The following ABCB5 variants were observed in gnomAD, a reference collection of about 807,000 sequenced individuals.
ABCB5 encodes the protein ATP-binding cassette sub-family B member 5.
A neutral mutation model predicts 144.2 loss-of-function variants in ABCB5; 155 were observed. That is an observed-to-expected ratio of 1.08 (90% confidence interval 0.94 to 1.23). ABCB5 has a LOEUF of 1.23. ABCB5 is among the 50% of genes most tolerant of loss of function. The probability of loss-of-function intolerance (pLI) is 0.00; values close to 1 mark genes in which losing one functional copy is unlikely to be tolerated. For missense variants in ABCB5, 1,830 were observed against 1,520.8 expected, an observed-to-expected ratio of 1.20 and a Z score of -3.38; for synonymous variants, 610 against 528.6, an observed-to-expected ratio of 1.15 and a Z score of -2.11.
chr7:20,703,615 AT>A (rs35238310), intron 19 of ABCB5, among the ~76,000 whole-genome samples: 1 of 152,000 alleles, frequency 6.6e-6, no homozygotes, highest in African/African-American at 2.4e-5. Context: ...GTAAGCCAAG[AT>A]TTTTTTGTTC....
intron 13 of ABCB5, among the ~76,000 whole-genome samples, chr7:20,656,835 A>G (rs576019096): frequency 3.9e-5 from 6 of 152,252 alleles, no homozygotes; most frequent in African/African-American, 1.4e-4. Context: ...AATAGCCAAA[A>G]ATAGGAAACA....
chr7:20,734,458 T>C (rs1337618151), intron 23 of ABCB5, among the ~76,000 whole-genome samples: 1 of 150,288 alleles, frequency 6.7e-6, no homozygotes, highest in East Asian at 1.9e-4. Flanking sequence ...GCAGGAATCT[T>C]CATTTTATCA....
At chr7:20,717,700 G>A (rs377057531) in intron 20 of ABCB5, among the ~76,000 whole-genome samples, 1 of 151,620 alleles carries the variant, frequency 6.6e-6, no homozygotes. Flanking sequence ...GCCTCCCAAA[G>A]TGCTGGGATT....
intron 24 of ABCB5, 104 bp downstream of exon 24, chr7:20,739,243 AC>A: frequency 8.2e-7 from 1 of 1,223,894 alleles, no homozygotes; most frequent in East Asian, 2.6e-5. Context: ...TGAAAAACTA[AC>A]CATTGGGTGC....
chr7:20,662,530 C>T (rs7792053), intron 14 of ABCB5, among the ~76,000 whole-genome samples: 7,765 of 152,240 alleles, frequency 0.051, 557 homozygotes, highest in African/African-American at 0.16. Context: ...GTCAATTAAA[C>T]ATCTCACTCT....
intron 23 of ABCB5, among the ~76,000 whole-genome samples, chr7:20,738,416 A>G (rs984250183): frequency 6.6e-6 from 1 of 152,216 alleles, no homozygotes; most frequent in African/African-American, 2.4e-5. Context: ...CTAAAAGATC[A>G]AAGTTCTTCT....
intron 23 of ABCB5, among the ~76,000 whole-genome samples, chr7:20,734,512 T>A (rs1187280840): frequency 6.6e-6 from 1 of 151,308 alleles, no homozygotes; most frequent in Non-Finnish European, 1.5e-5. Flanking sequence ...GCTACAAGGA[T>A]GGATTATCTG....
intron 5 of ABCB5, among the ~76,000 whole-genome samples, chr7:20,633,271 A>G (rs1441397979): frequency 2.0e-5 from 3 of 152,080 alleles, no homozygotes; most frequent in Admixed American, 6.6e-5. Flanking sequence ...TATTTACTCA[A>G]CATGTTCTGA....
chr7:20,629,145 C>CGTGTGTGTGTGTGTGTGTGTGTGT lies in ABCB5; in HGVS notation c.259+324_259+347dup, dbSNP rs149986314. On this transcript the variant is annotated intron_variant, in intron 4 of 27. Transcript: ENST00000404938. ...TAGAAACAAAGAGAGAGAGAGACTGCGTGTGTGTGTGTGTGTGTGTGTGTG... is the reference window on the plus strand; with the variant it reads ...TAGAAACAAAGAGAGAGAGAGACTGCGTGTGTGTGTGTGTGTGTGTGTGTGTGTGTGTGTGTGTGTGTGTGTGTG... Among the ~76,000 whole-genome samples, 11 of 135,056 alleles carry CGTGTGTGTGTGTGTGTGTGTGTGT rather than the reference C, an allele frequency of 8.1e-5. 1 individual carries two copies. Among genetic ancestry groups the CGTGTGTGTGTGTGTGTGTGTGTGT allele is most frequent in the African/African-American group, 5.6e-5 (2 of 35,652 alleles). 88.6% of individuals were successfully genotyped at this position (135,056 alleles called of 152,430 possible).
chr7:20,618,310 G>A (rs193108001), intron 1 of ABCB5, among the ~76,000 whole-genome samples: 48 of 152,172 alleles, frequency 3.2e-4, no homozygotes, highest in African/African-American at 8.2e-4. Context: ...GTTGTCTTTC[G>A]TGATTGGGTT....
In ABCB5 at chr7:20,645,996, G is replaced by A; in HGVS notation, c.839G>A (p.Gly280Asp). The A allele has an allele frequency of 6.2e-7, 1 of 1,613,712 alleles. No homozygotes were observed. Residue 280 changes from glycine (G) to aspartate (D), a missense_variant, in exon 9 of 28, where the codon GGC becomes GAC. Coordinates refer to ENST00000404938, the MANE Select transcript of ABCB5 (RefSeq NM_001163941.2). ...AATCTCAAAGATGCAAAGGATTTTG[G>A]CATAAAAAGGACTATAGCTTCAAAA... ...TQNLKDAKDF[G>D]IKRTIASKVS...
At position 20,742,867 on chromosome 7, in the gene ABCB5, C is replaced by A. The variant is rs1176100511; in HGVS notation, c.3025-10C>A. On this transcript the variant is annotated splice_polypyrimidine_tract_variant and intron_variant, in intron 24 of 27. Coordinates refer to ENST00000404938, the MANE Select transcript of ABCB5 (RefSeq NM_001163941.2). ...TCATTCTTCTCAACTCTGTCAACTT[C>A]CTTTCACAGGACACATGTGAAGGGA... 3 of 1,613,654 alleles carry A rather than the reference C, an allele frequency of 1.9e-6. No homozygotes were observed. In the African/African-American group the frequency reaches 4.0e-5, roughly 22 times the overall value.
At chr7:20,689,442 G>C (rs888748652) in intron 16 of ABCB5, among the ~76,000 whole-genome samples, 1 of 152,196 alleles carries the variant, frequency 6.6e-6, no homozygotes, top group African/African-American at 2.4e-5. Context: ...TGGCCACTGA[G>C]CACTACTGGA....
intron 20 of ABCB5, among the ~76,000 whole-genome samples, chr7:20,708,645 G>A (rs1271581032): frequency 1.3e-5 from 2 of 152,142 alleles, no homozygotes; most frequent in Non-Finnish European, 1.5e-5. Flanking sequence ...AGATGGTTAC[G>A]TTTACAAGAG....
chr7:20,677,555 C>A (rs1319569279), intron 14 of ABCB5, among the ~76,000 whole-genome samples: 1 of 152,022 alleles, frequency 6.6e-6, no homozygotes, highest in Non-Finnish European at 1.5e-5. Flanking sequence ...ATGGCAAAAC[C>A]CTGTCTCTAC....
intron 7 of ABCB5, among the ~76,000 whole-genome samples, chr7:20,644,807 A>G (rs551063124): frequency 5.3e-5 from 8 of 152,254 alleles, no homozygotes; most frequent in Admixed American, 2.0e-4. Context: ...AAACTATTCT[A>G]TAATGGCTAA....
chr7:20,709,734 T>A (rs182149314), intron 20 of ABCB5, among the ~76,000 whole-genome samples: 1 of 149,854 alleles, frequency 6.7e-6, no homozygotes, highest in Admixed American at 6.6e-5. Context: ...GCAGCTACCA[T>A]CACTATAACC....
At chr7:20,692,904 G>A (rs1196000592) in intron 16 of ABCB5, among the ~76,000 whole-genome samples, 2 of 152,090 alleles carry the variant, frequency 1.3e-5, no homozygotes, top group Non-Finnish European at 2.9e-5. Context: ...ACTGCAAATA[G>A]ACAAATCTCC....
At chr7:20,619,504 T>C (rs1783763803) in intron 1 of ABCB5, among the ~76,000 whole-genome samples, 1 of 152,058 alleles carries the variant, frequency 6.6e-6, no homozygotes. Flanking sequence ...TTTGTTCATG[T>C]CCTTTGCCCA....
Sources: allele counts gnomAD v4.1 joint callset (sites outside exome capture counted in the v4.1 genomes callset), GRCh38; gene constraint gnomAD v4.1.1; transcripts MANE v1.5; gene names NCBI Gene and HGNC (gene_info 2026-07-23, HGNC 2026-07-21).